The following CCDC85C variants were observed in gnomAD, a reference collection of about 807,000 sequenced individuals.
CCDC85C encodes coiled-coil domain containing 85C.
In CCDC85C, 18 loss-of-function variants were observed where a neutral mutation model predicts 38.3. The ratio of observed to expected loss-of-function variants is 0.47; its 90% CI spans 0.33 to 0.70. The LOEUF (loss-of-function observed/expected upper bound fraction) is 0.70, where lower values mean the gene tolerates loss of function less well. Among genes scored for constraint, CCDC85C ranks in the 30% least tolerant of loss-of-function variants. CCDC85C has a pLI of 0.03. For missense variants in CCDC85C, 566 were observed against 621.2 expected (o/e 0.91, Z 0.94); for synonymous variants, 264 against 293.8 (o/e 0.90, Z 1.04).
In CCDC85C at chr14:99,578,377, T is replaced by A. The variant is rs59502940; in HGVS notation, c.793+24790A>T. Among the ~76,000 whole-genome samples, 337 of 149,904 alleles carry A rather than the reference T, an allele frequency of 2.2e-3. 1 individual carries two copies. Among genetic ancestry groups the A allele is most frequent in the African/African-American group, 8.2e-3 (329 of 39,892 alleles). ...CATACAGCCCGTCCTGTATCCCCCA[T>A]CGGTGTGTTTGTGTGTGTGTGTGAG... On this transcript the variant is annotated intron_variant, in intron 1 of 5. Transcript: ENST00000380243.
At position 99,541,396 on chromosome 14, in the gene CCDC85C, C is replaced by T. The variant is rs537282824; in HGVS notation, c.794-5308G>A. On this transcript the variant is annotated intron_variant, in intron 1 of 5. Coordinates refer to ENST00000380243, the MANE Select transcript of CCDC85C (RefSeq NM_001144995.2). ...GGGCACACGCTCCTTGCATCTGACT[C>T]TGCGGTGCCTGATGCTCCTGTCTCA... is the stretch of plus-strand genomic sequence containing the variant. 4.6e-5 allele frequency among the ~76,000 whole-genome samples: 7 copies of T among 152,330 alleles called. No homozygotes were observed. In the South Asian group the frequency reaches 1.2e-3, roughly 27 times the overall value.
chr14:99,584,789 C>G (rs1468027168), intron 1 of CCDC85C, among the ~76,000 whole-genome samples: 1 of 152,230 alleles, frequency 6.6e-6, no homozygotes, highest in African/African-American at 2.4e-5. Context: ...AAAAATCACA[C>G]TCCAAATAAG....
At chr14:99,575,249 A>G (rs1214674482) in intron 1 of CCDC85C, among the ~76,000 whole-genome samples, 8 of 152,170 alleles carry the variant, frequency 5.3e-5, no homozygotes, top group Non-Finnish European at 1.0e-4. Context: ...CTTAGTGTGC[A>G]TTAGTGACTG....
rs1220262329 is a variant in CCDC85C at position 99,507,052 on chromosome 14, T to C, written c.*8194A>G. ...TTCATGTGAAGAAGTATGAGTGGTT[T>C]TCTAATCTGCTTTTTCTTTGTAGAA... On this transcript the variant is annotated 3_prime_UTR_variant, in exon 6 of 6. Coordinates refer to ENST00000380243, the MANE Select transcript of CCDC85C (RefSeq NM_001144995.2). 2 of 1,476,558 alleles carry C rather than the reference T, an allele frequency of 1.4e-6. No individual in the cohort carries two copies. Among genetic ancestry groups the C allele is most frequent in the Admixed American group, 3.3e-5 (2 of 59,844 alleles). The allele number at this position is 1,476,558 out of a possible 1,614,324, so 91.5% of individuals were successfully genotyped here.
chr14:99,533,960 T>G lies in CCDC85C; in HGVS notation c.867+2055A>C, dbSNP rs1330442370. On this transcript the variant is annotated intron_variant, in intron 2 of 5. Transcript: ENST00000380243. The surrounding 1 kb of genome is among the most constrained non-coding windows in gnomAD (Gnocchi z 4.2). ...GGGGTGTATTTTTCCAGTGGGACAC[T>G]GTGGCCTGCAGGGGCCAAGGGATCA... Among the ~76,000 whole-genome samples, 1 of 152,224 alleles carries G rather than the reference T, an allele frequency of 6.6e-6. No individual in the cohort carries two copies. The highest frequency in any genetic ancestry group is 2.1e-4 in the South Asian group (1 of 4,832).
At chr14:99,559,118 C>T (rs1898065768) in intron 1 of CCDC85C, among the ~76,000 whole-genome samples, 1 of 152,154 alleles carries the variant, frequency 6.6e-6, no homozygotes, top group Non-Finnish European at 1.5e-5. Flanking sequence ...TCCTGGACAG[C>T]CTGCAAAACT....
intron 1 of CCDC85C, among the ~76,000 whole-genome samples, chr14:99,559,078 C>A (rs1005869666): frequency 6.6e-6 from 1 of 152,178 alleles, no homozygotes; most frequent in Admixed American, 6.5e-5. Context: ...CCTGAGGCCA[C>A]CCCAGAAGCT....
intron 1 of CCDC85C, among the ~76,000 whole-genome samples, chr14:99,552,627 C>G (rs12887707): frequency 0.53 from 80,716 of 151,994 alleles, 21,629 homozygotes; most frequent in African/African-American, 0.58. Context: ...GGAGCTGTTG[C>G]TGTCTGAGGT....
chr14:99,566,443 G>C (rs1898217437), intron 1 of CCDC85C, among the ~76,000 whole-genome samples: 1 of 152,132 alleles, frequency 6.6e-6, no homozygotes, highest in Non-Finnish European at 1.5e-5. Flanking sequence ...TCACAGCCGG[G>C]ATCTTCAGGG....
chr14:99,503,925 G>C lies in CCDC85C; in HGVS notation c.*11321C>G. The C allele has an allele frequency of 2.3e-6, 1 of 442,486 alleles. No homozygotes were observed. Among genetic ancestry groups the C allele is most frequent in the South Asian group, 2.5e-5 (1 of 40,074 alleles). The allele number at this position is 442,486 out of a possible 1,614,324, so 27.4% of individuals were successfully genotyped here. ...TAATTATGGCTGTAGGAGAACTGTTGCTGCAATTTTATTTTTAGAGACTAT... is the reference window on the plus strand; with the variant it reads ...TAATTATGGCTGTAGGAGAACTGTTCCTGCAATTTTATTTTTAGAGACTAT... On this transcript the variant is annotated 3_prime_UTR_variant, in exon 6 of 6. Coordinates refer to ENST00000380243, the MANE Select transcript of CCDC85C (RefSeq NM_001144995.2).
chr14:99,597,189 C>T (rs1032566891), intron 1 of CCDC85C, among the ~76,000 whole-genome samples: 1 of 152,138 alleles, frequency 6.6e-6, no homozygotes, highest in Non-Finnish European at 1.5e-5. Context: ...CCACCACCCC[C>T]CAAGCCAGAC....
intron 1 of CCDC85C, among the ~76,000 whole-genome samples, chr14:99,549,607 G>A (rs1437940920): frequency 6.6e-6 from 1 of 152,262 alleles, no homozygotes; most frequent in South Asian, 2.1e-4. Flanking sequence ...CAGAGGGCAG[G>A]ACAGGAACGC....
intron 1 of CCDC85C, among the ~76,000 whole-genome samples, chr14:99,547,851 CAT>C (rs931245689): frequency 5.9e-5 from 9 of 151,492 alleles, no homozygotes; most frequent in African/African-American, 1.2e-4. Context: ...TGTATATACA[CAT>C]ATATATATAC....
chr14:99,571,156 C>T (rs1168889101), intron 1 of CCDC85C, among the ~76,000 whole-genome samples: 8 of 152,122 alleles, frequency 5.3e-5, no homozygotes, highest in Non-Finnish European at 1.0e-4. Flanking sequence ...AAGACAAAGG[C>T]AGTGCAGTGA....
chr14:99,537,248 T>C (rs138200921), intron 1 of CCDC85C, among the ~76,000 whole-genome samples: 18 of 152,202 alleles, frequency 1.2e-4, no homozygotes, highest in Non-Finnish European at 7.4e-5. Context: ...TCACCCTCGA[T>C]TGCAGAAGCA....
intron 1 of CCDC85C, among the ~76,000 whole-genome samples, chr14:99,554,480 G>C (rs1042421434): frequency 6.6e-6 from 1 of 152,234 alleles, no homozygotes; most frequent in African/African-American, 2.4e-5. Context: ...TGCAGCCCCA[G>C]CTGTGGCAGG....
chr14:99,573,352 G>A (rs1265674846), intron 1 of CCDC85C, among the ~76,000 whole-genome samples: 2 of 152,312 alleles, frequency 1.3e-5, no homozygotes, highest in East Asian at 1.9e-4. Context: ...CTGCTCCCAG[G>A]CCCCCATTTT....
At position 99,502,924 on chromosome 14, in the gene CCDC85C, C is replaced by T; in HGVS notation, c.*12322G>A. On this transcript the variant is annotated 3_prime_UTR_variant, in exon 6 of 6. Coordinates refer to ENST00000380243, the MANE Select transcript of CCDC85C (RefSeq NM_001144995.2). ...AACCAGCCCAGCAGCAGCAGCCAGC[C>T]CAACAGCCCAAGAAACCCTCTCCGC... The T allele has an allele frequency of 6.2e-7, 1 of 1,613,834 alleles. No homozygotes were observed. Among genetic ancestry groups the T allele is most frequent in the Non-Finnish European group, 8.5e-7 (1 of 1,179,812 alleles).
chr14:99,534,598 G>A, intron 2 of CCDC85C: 1 of 702,040 alleles, frequency 1.4e-6, no homozygotes, highest in Non-Finnish European at 2.6e-6. Flanking sequence ...CACACTGCAT[G>A]GGGACCTTCT....
Sources: gnomAD v4.1 joint callset for allele counts (sites outside exome capture counted in the v4.1 genomes callset) on GRCh38, gnomAD v4.1.1 for gene constraint, Gnocchi (gnomAD v3.1) non-coding constraint, MANE v1.5 for transcripts, NCBI Gene and HGNC (gene_info 2026-07-23, HGNC 2026-07-21) for gene names.